SLIT1: variants seen among roughly 807,000 people sequenced by gnomAD.
SLIT1 encodes slit guidance ligand 1, also known as slit homolog 1 protein.
In SLIT1, 66 loss-of-function variants were observed where a neutral mutation model predicts 186.1. That is an observed-to-expected ratio of 0.35 (90% CI 0.29 to 0.44). The LOEUF (loss-of-function observed/expected upper bound fraction) is 0.44, where lower values mean the gene tolerates loss of function less well. Among genes scored for constraint, SLIT1 ranks in the 20% least tolerant of loss-of-function variants. The pLI is 1.00. For missense variants in SLIT1, 1,638 were observed against 2,037.4 expected (o/e 0.80, Z 3.77); for synonymous variants, 761 against 833.8 (o/e 0.91, Z 1.50).
chr10:97,104,628 CCCAATCCACA>C (rs1311850533), intron 4 of SLIT1, among the ~76,000 whole-genome samples: 1 of 152,070 alleles, frequency 6.6e-6, no homozygotes, highest in Non-Finnish European at 1.5e-5. Context: ...TGTAACAAGG[CCCAATCCACA>C]CCTCCAGCCC....
chr10:97,098,230 G>A (rs1163054421), intron 4 of SLIT1, among the ~76,000 whole-genome samples: 1 of 152,238 alleles, frequency 6.6e-6, no homozygotes, highest in East Asian at 1.9e-4. Flanking sequence ...ATGACCCGGG[G>A]GGCTAAGAGT....
chr10:97,050,692 G>A (rs1483079335), intron 13 of SLIT1, among the ~76,000 whole-genome samples: 1 of 151,920 alleles, frequency 6.6e-6, no homozygotes, highest in Non-Finnish European at 1.5e-5. Context: ...ATCTGGCTGT[G>A]CCTCAGTGCC....
In SLIT1 at chr10:97,068,898, A is replaced by G. The variant is rs1848977134; in HGVS notation, c.414-2812T>C. Among the ~76,000 whole-genome samples the G allele has an allele frequency of 6.6e-6, 1 of 152,030 alleles. No individual in the cohort carries two copies. The highest frequency in any genetic ancestry group is 6.5e-5 in the Admixed American group (1 of 15,272). ...TATGCAGCAACTCCCCCAGCCCCAT[A>G]TGTCTTGAGAGGCTCATTTCAGTCT... is the stretch of plus-strand genomic sequence containing the variant. On this transcript the variant is annotated intron_variant, in intron 4 of 36. Coordinates refer to ENST00000266058, the MANE Select transcript of SLIT1 (RefSeq NM_003061.3). The surrounding 1 kb of genome is among the most constrained non-coding windows in gnomAD (Gnocchi z 4.2).
intron 4 of SLIT1, among the ~76,000 whole-genome samples, chr10:97,093,016 C>A (rs1448660272): frequency 6.6e-6 from 1 of 152,238 alleles, no homozygotes; most frequent in Non-Finnish European, 1.5e-5. Context: ...CAGTCTACAA[C>A]CTGGACCAGG....
At chr10:97,111,933 A>G (rs1306726433) in intron 4 of SLIT1, among the ~76,000 whole-genome samples, 1 of 152,186 alleles carries the variant, frequency 6.6e-6, no homozygotes, top group Non-Finnish European at 1.5e-5. Flanking sequence ...AATCTGCCAG[A>G]GGCTCCCCAT....
intron 1 of SLIT1, among the ~76,000 whole-genome samples, chr10:97,183,925 A>G (rs1302822356): frequency 6.6e-6 from 1 of 151,846 alleles, no homozygotes; most frequent in Non-Finnish European, 1.5e-5. Context: ...TCCACACAGG[A>G]TAATGCACAC....
chr10:97,053,848 T>C (rs1848812597), intron 13 of SLIT1, among the ~76,000 whole-genome samples: 1 of 152,204 alleles, frequency 6.6e-6, no homozygotes, highest in South Asian at 2.1e-4. Flanking sequence ...AAAAAGAATG[T>C]TAGAATTCTG....
intron 1 of SLIT1, among the ~76,000 whole-genome samples, chr10:97,174,973 A>G (rs1474210656): frequency 6.6e-6 from 1 of 152,238 alleles, no homozygotes; most frequent in Non-Finnish European, 1.5e-5. Context: ...TTTAAAATGT[A>G]TATATTCAGA....
chr10:97,164,990 CGTCTCA>C, intron 1 of SLIT1, 100 bp from the exon 2 acceptor site: 1 of 880,874 alleles, frequency 1.1e-6, no homozygotes, highest in South Asian at 1.3e-5. Context: ...ATCAGCCAGT[CGTCTCA>C]TCAGCGGGGC....
Position 97,157,787 on chromosome 10 carries a change from G to A in SLIT1, c.413+31C>T, listed in dbSNP as rs745499381. The A allele has an allele frequency of 1.9e-6, 3 of 1,569,166 alleles. No individual in the cohort carries two copies. In the Admixed American group the frequency reaches 5.0e-5, roughly 26 times the overall value. On this transcript the variant is annotated intron_variant, in intron 4 of 36. Coordinates refer to ENST00000266058, the MANE Select transcript of SLIT1 (RefSeq NM_003061.3). Reference sequence around the variant, plus strand: ...ACAGGGTGAGAGACAAAACCACAGGGAGAACTCTCTGGCCACAGAGCGTCA... The same window carrying A: ...ACAGGGTGAGAGACAAAACCACAGGAAGAACTCTCTGGCCACAGAGCGTCA...
In SLIT1 at chr10:97,004,114, A is replaced by G; in HGVS notation, c.3819T>C (p.Phe1273=). 1 of 1,613,730 alleles carries G rather than the reference A, an allele frequency of 6.2e-7. No individual in the cohort carries two copies. Residue 1273 remains phenylalanine (F), a synonymous_variant, in exon 34 of 37, where the codon TTT becomes TTC. Coordinates refer to ENST00000266058, the MANE Select transcript of SLIT1 (RefSeq NM_003061.3). This position sits in a 1 kb window ranked among gnomAD's most constrained non-coding sequence, Gnocchi z 5.1. The part of the protein sequence containing the change: ...DGGSPMTMDN[F]GKHYTLNSEA... Reference sequence around the variant, plus strand: ...CGCTGTTGAGCGTGTAATGTTTGCCAAAGTTGTCCATGGTCATGGGGCTCC... The same window carrying G: ...CGCTGTTGAGCGTGTAATGTTTGCCGAAGTTGTCCATGGTCATGGGGCTCC...
chr10:97,064,736 G>A (rs1589380047), intron 6 of SLIT1, 69 bp downstream of exon 6: 4 of 1,172,630 alleles, frequency 3.4e-6, no homozygotes, highest in Non-Finnish European at 4.9e-6. Context: ...CGCTGCCTAG[G>A]CTGCGGCACT....
At chr10:97,053,319 C>T (rs1001603870) in intron 13 of SLIT1, among the ~76,000 whole-genome samples, 1 of 152,214 alleles carries the variant, frequency 6.6e-6, no homozygotes, top group African/African-American at 2.4e-5. Flanking sequence ...CAGTGTCTCC[C>T]TGTACCCTCT....
chr10:97,105,325 C>T (rs1273955102), intron 4 of SLIT1, among the ~76,000 whole-genome samples: 1 of 152,170 alleles, frequency 6.6e-6, no homozygotes, highest in African/African-American at 2.4e-5. Flanking sequence ...TTCAAAAACA[C>T]ACACAAAAAG....
At chr10:97,169,112 G>A (rs1449848845) in intron 1 of SLIT1, among the ~76,000 whole-genome samples, 1 of 152,080 alleles carries the variant, frequency 6.6e-6, no homozygotes, top group African/African-American at 2.4e-5. Context: ...AGACAAGCAG[G>A]GAGAAAAAGA....
intron 4 of SLIT1, among the ~76,000 whole-genome samples, chr10:97,117,622 T>C (rs2089993480): frequency 6.6e-6 from 1 of 152,186 alleles, no homozygotes; most frequent in Non-Finnish European, 1.5e-5. Flanking sequence ...TTTGAGAGTA[T>C]ATAAATAATC....
chr10:97,150,590 C>T (rs547617532), intron 4 of SLIT1, among the ~76,000 whole-genome samples: 1 of 151,298 alleles, frequency 6.6e-6, no homozygotes, highest in African/African-American at 2.4e-5. Context: ...ATCACCCACC[C>T]CCACCCCTTC....
In SLIT1 at chr10:97,139,571, C is replaced by T. The variant is rs1849737637; in HGVS notation, c.413+18247G>A. On this transcript the variant is annotated intron_variant, in intron 4 of 36. Coordinates refer to ENST00000266058, the MANE Select transcript of SLIT1 (RefSeq NM_003061.3). Reference sequence around the variant, plus strand: ...AAACCCCTGTCAACAAGCACACTATCCTGAACTCTGGGACACCACTGGTTG... The same window carrying T: ...AAACCCCTGTCAACAAGCACACTATTCTGAACTCTGGGACACCACTGGTTG... Among the ~76,000 whole-genome samples, 3 of 152,188 alleles carry T rather than the reference C, an allele frequency of 2.0e-5. No individual in the cohort carries two copies. In the South Asian group the frequency reaches 6.2e-4, roughly 32 times the overall value.
intron 4 of SLIT1, among the ~76,000 whole-genome samples, chr10:97,107,468 C>T (rs556806315): frequency 2.0e-5 from 3 of 152,308 alleles, no homozygotes; most frequent in East Asian, 3.9e-4. Flanking sequence ...TTAACTGCAT[C>T]ACACGAGACC....
Sources: allele counts gnomAD v4.1 joint callset (sites outside exome capture counted in the v4.1 genomes callset), GRCh38; gene constraint gnomAD v4.1.1; non-coding constraint Gnocchi (gnomAD v3.1); transcripts MANE v1.5; gene names NCBI Gene and HGNC (gene_info 2026-07-23, HGNC 2026-07-21).